Variants in NCAM2 observed in about 807,000 individuals in gnomAD.
The protein encoded by NCAM2 is N-CAM-2.
Under a neutral mutation model 98.1 loss-of-function variants are expected in NCAM2, and 30 were observed. That is an observed-to-expected ratio of 0.31 (90% CI 0.23 to 0.41). The LOEUF (loss-of-function observed/expected upper bound fraction) is 0.41, where lower values mean the gene tolerates loss of function less well. Ranked by LOEUF, NCAM2 falls within the 10% of genes least tolerant of loss-of-function variation. The pLI, the probability that NCAM2 is intolerant of heterozygous loss-of-function variation, is 1.00. For synonymous variants in NCAM2, 368 were observed against 342.4 expected (o/e 1.07, Z -0.83); for missense variants, 867 against 1,005.8 (o/e 0.86, Z 1.87).
intron 15 of NCAM2, among the ~76,000 whole-genome samples, chr21:21,484,644 A>G: frequency 6.6e-6 from 1 of 152,174 alleles, no homozygotes; most frequent in Admixed American, 6.5e-5. Flanking sequence ...ATCTAAAATT[A>G]TAATAAAATA....
intron 9 of NCAM2, among the ~76,000 whole-genome samples, chr21:21,404,155 C>A (rs1315837007): frequency 7.9e-5 from 12 of 152,044 alleles, no homozygotes; most frequent in Non-Finnish European, 1.5e-5. Context: ...TGCCTCTCAA[C>A]AAATAAAATA....
intron 1 of NCAM2, among the ~76,000 whole-genome samples, chr21:21,248,222 T>A (rs1422000900): frequency 6.6e-6 from 1 of 152,178 alleles, no homozygotes; most frequent in Non-Finnish European, 1.5e-5. Flanking sequence ...TATGCTTAAT[T>A]CTTCTCAGAG....
intron 13 of NCAM2, among the ~76,000 whole-genome samples, chr21:21,468,118 A>G (rs1189975827): frequency 6.6e-6 from 1 of 151,972 alleles, no homozygotes; most frequent in Non-Finnish European, 1.5e-5. Flanking sequence ...CCTAGAAGAA[A>G]ATGAAATATT....
rs530089265 is a variant in NCAM2 at position 21,341,603 on chromosome 21, G to A, written c.1044+3069G>A. ...AAAATAGTGAAATATCATAAATGTCGTGTAGTAAAAACTAATAATTTCATC... is the reference window on the plus strand; with the variant it reads ...AAAATAGTGAAATATCATAAATGTCATGTAGTAAAAACTAATAATTTCATC... On this transcript the variant is annotated intron_variant, in intron 8 of 17. Coordinates refer to ENST00000400546, the MANE Select transcript of NCAM2 (RefSeq NM_004540.5). 5.3e-5 allele frequency among the ~76,000 whole-genome samples: 8 copies of A among 152,036 alleles called. No homozygotes were observed. In the East Asian group the frequency reaches 5.8e-4, roughly 11 times the overall value.
intron 1 of NCAM2, among the ~76,000 whole-genome samples, chr21:21,191,023 T>G (rs1325153830): frequency 6.6e-6 from 1 of 152,152 alleles, no homozygotes; most frequent in African/African-American, 2.4e-5. Flanking sequence ...CAAACTACCA[T>G]CTAAAAGCTT....
intron 12 of NCAM2, among the ~76,000 whole-genome samples, chr21:21,446,019 C>A (rs1280510457): frequency 1.3e-5 from 2 of 152,138 alleles, no homozygotes; most frequent in Non-Finnish European, 2.9e-5. Flanking sequence ...TTTTGCAGGG[C>A]AGGCCTGGTG....
intron 15 of NCAM2, among the ~76,000 whole-genome samples, chr21:21,480,835 A>G (rs2146276482): frequency 6.6e-6 from 1 of 152,346 alleles, no homozygotes; most frequent in East Asian, 1.9e-4. Context: ...TCAGTCAGTA[A>G]TGACTTCTAG....
intron 9 of NCAM2, among the ~76,000 whole-genome samples, chr21:21,375,947 C>T (rs2076023607): frequency 6.6e-6 from 1 of 151,642 alleles, no homozygotes; most frequent in Non-Finnish European, 1.5e-5. Context: ...TGTTGCAGGT[C>T]CTCAGAAAAG....
intron 10 of NCAM2, among the ~76,000 whole-genome samples, chr21:21,417,710 G>A (rs1455331517): frequency 1.3e-5 from 2 of 151,912 alleles, no homozygotes; most frequent in African/African-American, 2.4e-5. Flanking sequence ...ACTTAATTAT[G>A]GATTTCAAAT....
Position 21,286,279 on chromosome 21 carries a change from T to C in NCAM2, c.348T>C (p.Thr116=). ...ACTTTGTTGATACAGAAAAACTCACTTTCAGAGAAGTGGTATCTCCACAAG... is the reference window on the plus strand; with the variant it reads ...ACTTTGTTGATACAGAAAAACTCACCTTCAGAGAAGTGGTATCTCCACAAG... The part of the protein sequence containing the change: ...TVVLEIYQKL[T]FREVVSPQEF... Residue 116 remains threonine (T), a synonymous_variant, in exon 4 of 18, where the codon ACT becomes ACC. Transcript: ENST00000400546. 1.2e-6 allele frequency: 2 copies of C among 1,602,494 alleles called. No homozygotes were observed. Among genetic ancestry groups the C allele is most frequent in the Non-Finnish European group, 8.5e-7 (1 of 1,173,396 alleles).
chr21:21,448,134 G>A (rs1055814149), intron 12 of NCAM2, among the ~76,000 whole-genome samples: 6 of 152,012 alleles, frequency 3.9e-5, no homozygotes, highest in South Asian at 4.1e-4. Flanking sequence ...GCAAAGTCAC[G>A]GAGCCAACCC....
At chr21:21,322,834 A>G (rs2074412220) in intron 5 of NCAM2, among the ~76,000 whole-genome samples, 1 of 152,164 alleles carries the variant, frequency 6.6e-6, no homozygotes, top group African/African-American at 2.4e-5. Flanking sequence ...CAGTCTGTCA[A>G]ATTAGTGGTA....
chr21:21,195,860 G>A (rs536238958), intron 1 of NCAM2, among the ~76,000 whole-genome samples: 4 of 152,216 alleles, frequency 2.6e-5, no homozygotes, highest in South Asian at 2.1e-4. Context: ...GCCAAACCTA[G>A]GAATTAAGTC....
chr21:21,439,035 A>G (rs999025186), intron 12 of NCAM2, among the ~76,000 whole-genome samples: 13 of 152,236 alleles, frequency 8.5e-5, no homozygotes, highest in African/African-American at 3.1e-4. Flanking sequence ...GCAGAGAACT[A>G]TGACTGTGCC....
At chr21:21,214,722 C>CATATATATATATATATAT (rs1555829682) in intron 1 of NCAM2, among the ~76,000 whole-genome samples, 10 of 92,584 alleles carry the variant, frequency 1.1e-4, no homozygotes, top group East Asian at 5.7e-4. Flanking sequence ...ATATATATTC[C>CATATATATATATATATAT]ATATATATAT....
At chr21:21,234,544 TAAAC>T (rs1013254078) in intron 1 of NCAM2, among the ~76,000 whole-genome samples, 12 of 152,078 alleles carry the variant, frequency 7.9e-5, no homozygotes, top group African/African-American at 2.4e-4. Context: ...TATTTCCAAA[TAAAC>T]ATTTTCTGTG....
At chr21:21,368,944 C>T (rs971392679) in intron 8 of NCAM2, among the ~76,000 whole-genome samples, 3 of 151,894 alleles carry the variant, frequency 2.0e-5, no homozygotes, top group Non-Finnish European at 4.4e-5. Context: ...TAACCTTCAA[C>T]TGATATTTAC....
At position 21,310,688 on chromosome 21, in the gene NCAM2, A is replaced by C. The variant is rs951990712; in HGVS notation, c.620-13695A>C. Among the ~76,000 whole-genome samples the C allele has an allele frequency of 5.9e-5, 9 of 152,206 alleles. 1 individual carries two copies. The highest frequency in any genetic ancestry group is 2.4e-5 in the African/African-American group (1 of 41,446). On this transcript the variant is annotated intron_variant, in intron 5 of 17. Coordinates refer to ENST00000400546, the MANE Select transcript of NCAM2 (RefSeq NM_004540.5). Reference sequence around the variant, plus strand: ...TATTTGCATGTTTGTTTTCAAGTTAACATACAGTAAAATTCACTTTTTTAA... The same window carrying C: ...TATTTGCATGTTTGTTTTCAAGTTACCATACAGTAAAATTCACTTTTTTAA...
chr21:21,147,719 T>C (rs1215378742), intron 1 of NCAM2, among the ~76,000 whole-genome samples: 2 of 148,504 alleles, frequency 1.3e-5, no homozygotes, highest in Non-Finnish European at 3.0e-5. Flanking sequence ...TTATATACTA[T>C]ATATAATATA....
Sources: gnomAD v4.1 joint callset for allele counts (sites outside exome capture counted in the v4.1 genomes callset) on GRCh38, gnomAD v4.1.1 for gene constraint, MANE v1.5 for transcripts, NCBI Gene and HGNC (gene_info 2026-07-23, HGNC 2026-07-21) for gene names.